Variants in CTBP2 observed in about 807,000 individuals in gnomAD.
CTBP2 encodes the protein C-terminal-binding protein 2.
In CTBP2, 30 loss-of-function variants were observed where a neutral mutation model predicts 80.3. That is an observed-to-expected ratio of 0.37 (90% CI 0.28 to 0.51). The LOEUF is 0.51. Among genes scored for constraint, CTBP2 ranks in the 20% least tolerant of loss-of-function variants. The pLI is 0.93. For synonymous variants in CTBP2, 594 were observed against 587.4 expected (o/e 1.01, Z -0.16); for missense variants, 1,212 against 1,375.3 (o/e 0.88, Z 1.88).
intron 2 of CTBP2, among the ~76,000 whole-genome samples, chr10:125,047,837 C>T (rs1037269532): frequency 2.6e-5 from 4 of 152,172 alleles, no homozygotes; most frequent in African/African-American, 4.8e-5. Context: ...ACACTTAACA[C>T]ATGAATTGCC....
chr10:125,063,377 A>G (rs531501302), intron 2 of CTBP2, among the ~76,000 whole-genome samples: 1 of 152,288 alleles, frequency 6.6e-6, no homozygotes, highest in Admixed American at 6.5e-5. Context: ...GGCCTGTGGC[A>G]CCCCGATGGG....
chr10:125,083,806 G>A (rs1847553967), intron 2 of CTBP2, among the ~76,000 whole-genome samples: 1 of 152,114 alleles, frequency 6.6e-6, no homozygotes, highest in Non-Finnish European at 1.5e-5. Context: ...TTTTGAGACG[G>A]AGTCTTGCTC....
intron 2 of CTBP2, among the ~76,000 whole-genome samples, chr10:125,098,674 GAGA>G (rs1849993765): frequency 1.7e-5 from 2 of 116,358 alleles, no homozygotes; most frequent in African/African-American, 8.1e-5. Flanking sequence ...GAGAGAGAGA[GAGA>G]GAGAGAGAGA....
chr10:125,010,153 G>A (rs867318935), intron 1 of CTBP2, among the ~76,000 whole-genome samples: 6 of 150,780 alleles, frequency 4.0e-5, no homozygotes, highest in Middle Eastern at 3.2e-3. Flanking sequence ...GGGTGGCTCC[G>A]GGAGCAGCTT....
chr10:125,007,465 G>A (rs1333236353), intron 1 of CTBP2, among the ~76,000 whole-genome samples: 1 of 152,260 alleles, frequency 6.6e-6, no homozygotes, highest in East Asian at 1.9e-4. Flanking sequence ...TTTGTGAACA[G>A]TAACCAGACA....
At chr10:125,116,968 C>A (rs1853429712) in intron 1 of CTBP2, among the ~76,000 whole-genome samples, 1 of 152,208 alleles carries the variant, frequency 6.6e-6, no homozygotes, top group Non-Finnish European at 1.5e-5. Context: ...CCCAGAGGAC[C>A]CATGGGTTCC....
intron 2 of CTBP2, among the ~76,000 whole-genome samples, chr10:125,062,731 A>G (rs892860510): frequency 2.0e-5 from 3 of 152,174 alleles, no homozygotes; most frequent in Non-Finnish European, 2.9e-5. Context: ...GTGCGGTGGC[A>G]CACGCCTGTA....
intron 2 of CTBP2, among the ~76,000 whole-genome samples, chr10:125,082,804 G>T (rs374574741): frequency 6.6e-6 from 1 of 152,084 alleles, no homozygotes; most frequent in African/African-American, 2.4e-5. Flanking sequence ...GGCCAGGGTG[G>T]TCTCGAATGC....
At position 124,985,877 on chromosome 10, in the gene CTBP2, C is replaced by T. The variant is rs1050814197; in HGVS notation, c.*3641G>A. ...ATGTGCTGCTCCCAGATTGCCATGCCAGAGGGTCTTCGGATTCTTCCTTCT... is the reference window on the plus strand; with the variant it reads ...ATGTGCTGCTCCCAGATTGCCATGCTAGAGGGTCTTCGGATTCTTCCTTCT... On this transcript the variant is annotated 3_prime_UTR_variant, in exon 9 of 9. Transcript: ENST00000309035. 1.3e-5 allele frequency: 2 copies of T among 150,460 alleles called. No homozygotes were observed. Among genetic ancestry groups the T allele is most frequent in the African/African-American group, 4.8e-5 (2 of 41,390 alleles). 9.3% of individuals were successfully genotyped at this position (150,460 alleles called of 1,614,324 possible).
At chr10:125,135,029 C>T (rs1205456530) in intron 1 of CTBP2, among the ~76,000 whole-genome samples, 2 of 152,192 alleles carry the variant, frequency 1.3e-5, no homozygotes, top group South Asian at 2.1e-4. Flanking sequence ...TCATAGGCAG[C>T]GGCAAGGCTA....
intron 2 of CTBP2, among the ~76,000 whole-genome samples, chr10:125,057,711 C>G (rs1297929585): frequency 6.6e-6 from 1 of 152,222 alleles, no homozygotes; most frequent in Non-Finnish European, 1.5e-5. Flanking sequence ...TGGTACACAG[C>G]GTGGCTTAAA....
intron 2 of CTBP2, among the ~76,000 whole-genome samples, chr10:125,098,655 GGGGA>G (rs1849940546): frequency 3.2e-4 from 8 of 24,830 alleles, no homozygotes; most frequent in African/African-American, 9.7e-4. Flanking sequence ...AATGGGGGAG[GGGGA>G]GAGAGAGAGA....
chr10:125,056,641 G>A (rs1469974964), intron 2 of CTBP2, among the ~76,000 whole-genome samples: 3 of 152,252 alleles, frequency 2.0e-5, no homozygotes, highest in Admixed American at 2.0e-4. Flanking sequence ...CAGCTTCATG[G>A]AAAGGTTAAA....
rs77811388 is a variant in CTBP2, at chr10:125,038,979, C to T, written c.58+18G>A. ...GGGACTACGTATGTTTGGTAAAAAC[C>T]GCCAAACACGCTCTTACCTTCACAA... is the stretch of plus-strand genomic sequence containing the variant. On this transcript the variant is annotated intron_variant, in intron 3 of 10. Transcript: ENST00000337195. The T allele has an allele frequency of 6.8e-6, 11 of 1,611,680 alleles. No homozygotes were observed. The highest frequency in any genetic ancestry group is 4.0e-5 in the African/African-American group (3 of 74,948).
At chr10:125,126,601 G>A (rs550265210) in intron 1 of CTBP2, among the ~76,000 whole-genome samples, 35 of 152,354 alleles carry the variant, frequency 2.3e-4, no homozygotes, top group African/African-American at 6.7e-4. Flanking sequence ...GACAAGCCAC[G>A]TACTTGTTCC....
intron 1 of CTBP2, chr10:125,005,737 C>G (rs1439516507): frequency 6.2e-7 from 1 of 1,612,928 alleles, no homozygotes; most frequent in Admixed American, 1.7e-5. Context: ...CCTTCTGTTT[C>G]AGTACACTCT....
At chr10:125,042,751 C>A (rs1404079629) in intron 2 of CTBP2, among the ~76,000 whole-genome samples, 2 of 152,138 alleles carry the variant, frequency 1.3e-5, no homozygotes, top group African/African-American at 2.4e-5. Context: ...CCTTTGACAC[C>A]CCCTTGCACA....
In CTBP2 at chr10:125,098,653, A is replaced by AGG. The variant is rs1590757869; in HGVS notation, c.-102+12335_-102+12336dup. On this transcript the variant is annotated intron_variant, in intron 2 of 10. Coordinates refer to the CTBP2 transcript ENST00000337195. ...GGGTGAACAGAGAGAGAAATGGGGG[A>AGG]GGGGGAGAGAGAGAGAGAGAGAGAG... 1.4e-3 allele frequency among the ~76,000 whole-genome samples: 114 copies of AGG among 83,442 alleles called. 3 individuals carry two copies. The highest frequency in any genetic ancestry group is 4.4e-3 in the African/African-American group (104 of 23,486). The allele number at this position is 83,442 out of a possible 152,430, so 54.7% of individuals were successfully genotyped here.
chr10:125,129,882 G>T (rs555552650), intron 1 of CTBP2, among the ~76,000 whole-genome samples: 29 of 152,198 alleles, frequency 1.9e-4, no homozygotes, highest in African/African-American at 6.7e-4. Flanking sequence ...CACGGTCAGG[G>T]TTGTTTGTGC....
Sources: allele counts gnomAD v4.1 joint callset (sites outside exome capture counted in the v4.1 genomes callset), GRCh38; gene constraint gnomAD v4.1.1; transcripts MANE v1.5; gene names NCBI Gene and HGNC (gene_info 2026-07-23, HGNC 2026-07-21).